Variants in LRP11 observed in about 807,000 individuals in gnomAD.
LRP11 encodes LDL receptor related protein 11, also known as low-density lipoprotein receptor-related protein 11.
Under a neutral mutation model 43.1 loss-of-function variants are expected in LRP11, and 25 were observed. The observed-to-expected ratio is 0.58, with a 90% CI of 0.42 to 0.81. The LOEUF (loss-of-function observed/expected upper bound fraction) is 0.81, where lower values mean the gene tolerates loss of function less well. Ranked by LOEUF, LRP11 falls within the 30% of genes least tolerant of loss-of-function variation. LRP11 has a pLI of 0.00. For synonymous variants in LRP11, 316 were observed against 299.4 expected (o/e 1.06, Z -0.57); for missense variants, 623 against 665.1 (o/e 0.94, Z 0.70).
At chr6:149,844,311 C>T (rs1562442356) in intron 2 of LRP11, among the ~76,000 whole-genome samples, 1 of 152,096 alleles carries the variant, frequency 6.6e-6, no homozygotes, top group Admixed American at 6.5e-5. Context: ...CCATGCTGGC[C>T]ACTTTGGCTG....
intron 2 of LRP11, among the ~76,000 whole-genome samples, chr6:149,846,319 G>A (rs950644203): frequency 1.4e-4 from 22 of 152,198 alleles, no homozygotes. Flanking sequence ...ACTGTCTCTT[G>A]GGACTTAGGA....
At position 149,826,319 on chromosome 6, in the gene LRP11, A is replaced by G. The variant is rs370840998; in HGVS notation, c.1293T>C (p.Tyr431=). The change falls in exon 6 of 7, where the codon TAT becomes TAC. Residue 431 remains tyrosine (Y), a synonymous_variant. Transcript: ENST00000239367. ...CTCCATCACCCTTTGACTCAAATAT[A>G]TAACTTTCCTCTTTTCTGTTCTTCC... ...SSGKNRKEES[Y]IFESKGDGGG... The G allele has an allele frequency of 6.8e-6, 11 of 1,613,646 alleles. 1 individual carries two copies. The African/African-American group carries it at 1.2e-4, about 18-fold the overall frequency.
At position 149,843,078 on chromosome 6, in the gene LRP11, G is replaced by A. The variant is rs1477047811; in HGVS notation, c.818C>T (p.Thr273Ile). 2.5e-6 allele frequency: 4 copies of A among 1,614,062 alleles called. No homozygotes were observed. Among genetic ancestry groups the A allele is most frequent in the South Asian group, 1.1e-5 (1 of 91,086 alleles). ...CGTCACGGTCAGCTGGAAGGTGTAG[G>A]TTCCCTCCTGTAGGTGGGACAGCTT... ...TLKLSHLQEG[T>I]YTFQLTVTDT... The change falls in exon 3 of 7, where the codon ACC becomes ATC. Residue 273 changes from threonine to isoleucine, a missense_variant. By Grantham distance (89) the Thr-to-Ile change is moderately conservative. Transcript: ENST00000239367.
intron 1 of LRP11, among the ~76,000 whole-genome samples, chr6:149,862,954 C>T (rs1009877323): frequency 1.3e-5 from 2 of 152,124 alleles, no homozygotes; most frequent in Non-Finnish European, 2.9e-5. Context: ...AAGTTTTCCT[C>T]CCATTTTTGT....
intron 1 of LRP11, among the ~76,000 whole-genome samples, chr6:149,861,210 C>T (rs755477642): frequency 2.1e-4 from 32 of 152,136 alleles, no homozygotes; most frequent in Non-Finnish European, 4.1e-4. Context: ...ACAACTTCAA[C>T]CTGTCAAGCA....
intron 2 of LRP11, among the ~76,000 whole-genome samples, chr6:149,848,215 A>G (rs769879860): frequency 2.0e-5 from 3 of 152,142 alleles, no homozygotes; most frequent in Non-Finnish European, 2.9e-5. Flanking sequence ...AAACCCCACC[A>G]GATGCTGGTG....
chr6:149,837,252 T>C lies in LRP11; in HGVS notation c.1039+86A>G. Reference sequence around the variant, plus strand: ...CTAAAATCAAGCAGGGGAAGGACACTGTGTTTGCATTTCATTCTCAGAACA... The same window carrying C: ...CTAAAATCAAGCAGGGGAAGGACACCGTGTTTGCATTTCATTCTCAGAACA... On this transcript the variant is annotated intron_variant, in intron 4 of 6. Coordinates refer to ENST00000239367, the MANE Select transcript of LRP11 (RefSeq NM_032832.6). 5 of 1,433,690 alleles carry C rather than the reference T, an allele frequency of 3.5e-6. No homozygotes were observed. In the South Asian group the frequency reaches 5.3e-5, roughly 15 times the overall value. 88.8% of individuals were successfully genotyped at this position (1,433,690 alleles called of 1,614,324 possible).
At chr6:149,851,816 C>T (rs531420084) in intron 2 of LRP11, among the ~76,000 whole-genome samples, 3 of 152,156 alleles carry the variant, frequency 2.0e-5, no homozygotes, top group East Asian at 1.9e-4. Flanking sequence ...AAGAACTGCC[C>T]GAAACTGGGT....
At chr6:149,844,965 G>C (rs745915458) in intron 2 of LRP11, among the ~76,000 whole-genome samples, 7 of 152,130 alleles carry the variant, frequency 4.6e-5, no homozygotes, top group Non-Finnish European at 1.0e-4. Context: ...AGGAGAGCAG[G>C]ACCCAGGATT....
At chr6:149,836,032 G>T in intron 5 of LRP11, 53 bp downstream of exon 5, 1 of 1,474,554 alleles carries the variant, frequency 6.8e-7, no homozygotes, top group Non-Finnish European at 9.5e-7. Context: ...TGTGAGCCAA[G>T]TTTGGCTACA....
intron 2 of LRP11, among the ~76,000 whole-genome samples, chr6:149,847,792 G>A (rs1193288740): frequency 2.1e-5 from 3 of 145,064 alleles, no homozygotes; most frequent in Non-Finnish European, 4.5e-5. Flanking sequence ...AGCAATACAC[G>A]TTTGGGCTTC....
intron 2 of LRP11, among the ~76,000 whole-genome samples, chr6:149,846,573 G>A (rs756288444): frequency 2.0e-5 from 3 of 152,162 alleles, no homozygotes; most frequent in Non-Finnish European, 4.4e-5. Context: ...TTGGTGTGAC[G>A]GGGATGCTGA....
intron 1 of LRP11, among the ~76,000 whole-genome samples, chr6:149,858,754 A>G (rs898032835): frequency 1.3e-5 from 2 of 152,206 alleles, no homozygotes; most frequent in Admixed American, 1.3e-4. Context: ...CCTAAGCTTC[A>G]CAATTGCCAC....
chr6:149,856,271 C>T (rs1213917614), intron 1 of LRP11, among the ~76,000 whole-genome samples: 1 of 152,218 alleles, frequency 6.6e-6, no homozygotes, highest in Non-Finnish European at 1.5e-5. Context: ...TTAATCCTAC[C>T]TCTCCTGGAA....
At chr6:149,822,488 T>C in intron 6 of LRP11, among the ~76,000 whole-genome samples, 1 of 127,844 alleles carries the variant, frequency 7.8e-6, no homozygotes. Flanking sequence ...GGTGGCAAAG[T>C]AAGATCCTGT....
intron 2 of LRP11, among the ~76,000 whole-genome samples, chr6:149,848,182 T>C (rs890058371): frequency 7.6e-6 from 1 of 131,140 alleles, no homozygotes; most frequent in Non-Finnish European, 1.7e-5. Flanking sequence ...TATTAAAAAG[T>C]AAAAAACAAA....
intron 1 of LRP11, among the ~76,000 whole-genome samples, chr6:149,855,574 C>T (rs111602041): frequency 0.012 from 1,779 of 152,106 alleles, 36 homozygotes; most frequent in African/African-American, 0.041. Context: ...CATTGGAAAG[C>T]GAGAAAAAGC....
chr6:149,837,880 A>G (rs1002040348), intron 3 of LRP11, among the ~76,000 whole-genome samples: 1 of 152,130 alleles, frequency 6.6e-6, no homozygotes, highest in Admixed American at 6.5e-5. Flanking sequence ...CATCCCCTGG[A>G]TGGCAGTTGG....
intron 2 of LRP11, among the ~76,000 whole-genome samples, chr6:149,847,846 C>T (rs1004764933): frequency 6.2e-5 from 9 of 144,350 alleles, no homozygotes; most frequent in Non-Finnish European, 1.2e-4. Flanking sequence ...CACACACACA[C>T]ACACACACAC....
Sources: gnomAD v4.1 joint callset for allele counts (sites outside exome capture counted in the v4.1 genomes callset) on GRCh38, gnomAD v4.1.1 for gene constraint, MANE v1.5 for transcripts, NCBI Gene and HGNC (gene_info 2026-07-23, HGNC 2026-07-21) for gene names.